Variants in ATR observed in about 807,000 individuals in gnomAD.
The protein encoded by ATR is serine/threonine-protein kinase ATR.
Under a neutral mutation model 305.3 loss-of-function variants are expected in ATR, and 142 were observed. That is an observed-to-expected ratio of 0.47 (90% confidence interval 0.41 to 0.53). The LOEUF is 0.53. Among genes scored for constraint, ATR ranks in the 20% least tolerant of loss-of-function variants. ATR has a pLI of 0.00. For missense variants in ATR, 2,135 were observed against 3,133.1 expected, an observed-to-expected ratio of 0.68 and a Z score of 7.60; for synonymous variants, 1,050 against 1,068.1, an observed-to-expected ratio of 0.98 and a Z score of 0.33.
At chr3:142,519,319 C>A (rs1186186546) in intron 24 of ATR, among the ~76,000 whole-genome samples, 1 of 142,126 alleles carries the variant, frequency 7.0e-6, no homozygotes, top group South Asian at 2.2e-4. Flanking sequence ...TTTTTTTTTT[C>A]CAAACAAAGT....
At chr3:142,570,370 T>C (rs754981142) in intron 1 of ATR, among the ~76,000 whole-genome samples, 4 of 152,174 alleles carry the variant, frequency 2.6e-5, no homozygotes, top group African/African-American at 9.7e-5. Flanking sequence ...TTTCCCTCTA[T>C]GTTCCCTTAT....
chr3:142,544,284 C>G (rs1370935499), intron 16 of ATR, among the ~76,000 whole-genome samples: 2 of 150,426 alleles, frequency 1.3e-5, no homozygotes, highest in Non-Finnish European at 3.0e-5. Flanking sequence ...ATGGCAAAAC[C>G]CCATCTCTAC....
chr3:142,451,971 T>A, intron 46 of ATR: 1 of 1,109,170 alleles, frequency 9.0e-7, no homozygotes. Context: ...AAAAGGAACA[T>A]GTCCCAGAGA....
chr3:142,450,506 G>A, intron 46 of ATR: 1 of 1,604,342 alleles, frequency 6.2e-7, no homozygotes, highest in Non-Finnish European at 8.5e-7. Context: ...CAGGATCCTT[G>A]TGAGGCTATT....
At chr3:142,573,615 G>T (rs80237517) in intron 1 of ATR, among the ~76,000 whole-genome samples, 3,046 of 151,266 alleles carry the variant, frequency 0.02, 104 homozygotes, top group African/African-American at 0.07. Flanking sequence ...GAAATATAAC[G>T]TAAGCCATAA....
rs548950716 is a variant in ATR, at chr3:142,537,883, T to C, written c.3725+599A>G. On this transcript the variant is annotated intron_variant, in intron 19 of 46. Coordinates refer to ENST00000350721, the MANE Select transcript of ATR (RefSeq NM_001184.4). ...GCCTAATGCCTGTTTTGAAAAATTATGGGGGAAGATAGTAAGAAATAGTCT... is the reference window on the plus strand; with the variant it reads ...GCCTAATGCCTGTTTTGAAAAATTACGGGGGAAGATAGTAAGAAATAGTCT... Among the ~76,000 whole-genome samples the C allele has an allele frequency of 2.6e-5, 4 of 152,294 alleles. No homozygotes were observed. In the East Asian group the frequency reaches 7.7e-4, roughly 29 times the overall value.
intron 1 of ATR, among the ~76,000 whole-genome samples, chr3:142,577,597 T>C (rs2035481780): frequency 1.3e-5 from 2 of 152,246 alleles, no homozygotes. Flanking sequence ...CTAGATTATT[T>C]GGATGGCCAA....
Position 142,470,174 on chromosome 3 carries a change from T to C in ATR, c.6231A>G (p.Gln2077=). 6.2e-7 allele frequency: 1 copy of C among 1,600,748 alleles called. No individual in the cohort carries two copies. The highest frequency in any genetic ancestry group is 8.6e-7 in the Non-Finnish European group (1 of 1,169,406). The change falls in exon 37 of 47, where the codon CAA becomes CAG. Residue 2077 remains glutamine (Q), a synonymous_variant. Coordinates refer to ENST00000350721, the MANE Select transcript of ATR (RefSeq NM_001184.4). ...ACTGATATATGAACTGATTTCCATA[T>C]TGTAGAGATCTGCAATTATATAGAC... The part of the protein sequence containing the change: ...YIVLHFGRSL[Q]YGNQFIYQSM...
At chr3:142,500,358 C>CT (rs1260916275) in intron 30 of ATR, among the ~76,000 whole-genome samples, 1 of 152,056 alleles carries the variant, frequency 6.6e-6, no homozygotes, top group Non-Finnish European at 1.5e-5. Context: ...TTATTTTGTT[C>CT]TAAGCATTCT....
rs9876254 is a variant in ATR, at chr3:142,512,004, A to G, written c.4852+256T>C. ...GTGGTGGTGGGCACCTGTAATCCCA[A>G]CTACTTGGGAGGCTGAGGCAGGAGA... On this transcript the variant is annotated intron_variant, in intron 27 of 46. Transcript: ENST00000350721. Among the ~76,000 whole-genome samples the G allele has an allele frequency of 0.66, 100,046 of 151,436 alleles. 34,735 individuals carry two copies. Among genetic ancestry groups the G allele is most frequent in the African/African-American group, 0.9 (37,100 of 41,394 alleles).
chr3:142,529,708 CT>C (rs1030261240), intron 21 of ATR, among the ~76,000 whole-genome samples: 1 of 152,120 alleles, frequency 6.6e-6, no homozygotes, highest in African/African-American at 2.4e-5. Context: ...TTGACTCATA[CT>C]TTATGACATT....
intron 27 of ATR, among the ~76,000 whole-genome samples, chr3:142,511,084 C>T (rs1193560330): frequency 1.3e-5 from 2 of 152,016 alleles, no homozygotes; most frequent in African/African-American, 4.8e-5. Flanking sequence ...AATAGCTTCT[C>T]TTTAGGCCAT....
At chr3:142,555,369 A>G (rs2034629600) in intron 10 of ATR, among the ~76,000 whole-genome samples, 1 of 152,308 alleles carries the variant, frequency 6.6e-6, no homozygotes, top group Admixed American at 6.5e-5. Context: ...TTGAAACTTC[A>G]GAACAAGTTT....
chr3:142,519,883 T>C (rs1160188309), intron 23 of ATR, 99 bp from the exon 24 acceptor site: 1 of 915,530 alleles, frequency 1.1e-6, no homozygotes, highest in Non-Finnish European at 1.8e-6. Context: ...AATACAGCCA[T>C]AACTCATTTT....
rs144898668 is a variant in ATR, at chr3:142,540,118, T to C, written c.3581+786A>G. Among the ~76,000 whole-genome samples, 3 of 152,208 alleles carry C rather than the reference T, an allele frequency of 2.0e-5. No homozygotes were observed. The East Asian group carries it at 5.8e-4, about 29-fold the overall frequency. ...GCATCTATATCTAAGTACCCATTTA[T>C]AGAAAAGACAGGGAGGAAAGAAAAA... is the stretch of plus-strand genomic sequence containing the variant. On this transcript the variant is annotated intron_variant, in intron 18 of 46. Coordinates refer to ENST00000350721, the MANE Select transcript of ATR (RefSeq NM_001184.4).
In ATR at chr3:142,475,848, GTGA is replaced by G. The variant is rs1451119950; in HGVS notation, c.6222-5668_6222-5666del. ...TTGATTTGCATTTCTCTGATGGCCA[GTGA>G]TGATGAGCATTTTTTTCATGTGTCT... On this transcript the variant is annotated intron_variant, in intron 36 of 46. Coordinates refer to ENST00000350721, the MANE Select transcript of ATR (RefSeq NM_001184.4). 2.0e-5 allele frequency among the ~76,000 whole-genome samples: 3 copies of G among 152,208 alleles called. No homozygotes were observed. In the East Asian group the frequency reaches 5.8e-4, roughly 29 times the overall value.
At position 142,512,481 on chromosome 3, in the gene ATR, C is replaced by A. The variant is rs1577604223; in HGVS notation, c.4642-11G>T. ...AATTTCTGCATAAACCTATGAGAAT[C>A]ATTTATAATTAATAATAATATCTAT... On this transcript the variant is annotated splice_polypyrimidine_tract_variant and intron_variant, in intron 26 of 46. Transcript: ENST00000350721. 3.2e-6 allele frequency: 5 copies of A among 1,569,954 alleles called. No individual in the cohort carries two copies. The East Asian group carries it at 9.0e-5, about 28-fold the overall frequency.
At position 142,538,626 on chromosome 3, in the gene ATR, CTA is replaced by C. The variant is rs779848129; in HGVS notation, c.3582-3_3582-2del. 1 of 1,613,106 alleles carries C rather than the reference CTA, an allele frequency of 6.2e-7. No homozygotes were observed. The highest frequency in any genetic ancestry group is 8.5e-7 in the Non-Finnish European group (1 of 1,179,508). On this transcript the variant is annotated splice_acceptor_variant and splice_polypyrimidine_tract_variant and intron_variant, in intron 18 of 46. Transcript: ENST00000350721. LOFTEE classifies it high-confidence loss of function. ...GCAGCGAACAAAGCAGTCCCAAGCTCTATGTGAAAAAACAAATAGAAATGAAG... is the reference window on the plus strand; with the variant it reads ...GCAGCGAACAAAGCAGTCCCAAGCTCTGTGAAAAAACAAATAGAAATGAAG...
At chr3:142,531,693 G>A (rs572975137) in intron 21 of ATR, among the ~76,000 whole-genome samples, 4 of 152,308 alleles carry the variant, frequency 2.6e-5, no homozygotes, top group African/African-American at 9.6e-5. Context: ...CTTTGCTATT[G>A]TGAATAGTGC....
Sources: gnomAD v4.1 joint callset for allele counts (sites outside exome capture counted in the v4.1 genomes callset) on GRCh38, gnomAD v4.1.1 for gene constraint, MANE v1.5 for transcripts, NCBI Gene and HGNC (gene_info 2026-07-23, HGNC 2026-07-21) for gene names.